SRSF10: variants seen among roughly 807,000 people sequenced by gnomAD.
SRSF10 encodes serine and arginine rich splicing factor 10.
Under a neutral mutation model 32.6 loss-of-function variants are expected in SRSF10, and 9 were observed. The ratio of observed to expected loss-of-function variants is 0.28; its 90% CI spans 0.17 to 0.48. SRSF10 has a LOEUF of 0.48. Among genes scored for constraint, SRSF10 ranks in the 20% least tolerant of loss-of-function variants. SRSF10 has a pLI of 0.99. For missense variants in SRSF10, 201 were observed against 331.8 expected (o/e 0.61, Z 3.06); for synonymous variants, 105 against 112.4 (o/e 0.93, Z 0.42).
intron 3 of SRSF10, among the ~76,000 whole-genome samples, chr1:23,973,807 C>T (rs1395531907): frequency 2.0e-5 from 3 of 152,130 alleles, no homozygotes; most frequent in Non-Finnish European, 4.4e-5. Context: ...AATAATAAGG[C>T]ATTCCTAAAT....
At position 23,975,184 on chromosome 1, in the gene SRSF10, C is replaced by T. The variant is rs1346385926; in HGVS notation, c.171-107G>A. The T allele has an allele frequency of 9.8e-6, 9 of 918,660 alleles. No homozygotes were observed. In the East Asian group the frequency reaches 1.9e-4, roughly 20 times the overall value. 56.9% of individuals were successfully genotyped at this position (918,660 alleles called of 1,614,324 possible). ...ACAATCTCCCAATATTATTCCAGAA[C>T]ATCAACCAGACCCCCACTTACTAGT... On this transcript the variant is annotated intron_variant, in intron 2 of 5. Transcript: ENST00000492112.
At position 23,971,613 on chromosome 1, in the gene SRSF10, C is replaced by T. The variant is rs1641757225; in HGVS notation, c.451G>A (p.Gly151Arg). 4 of 1,610,808 alleles carry T rather than the reference C, an allele frequency of 2.5e-6. No homozygotes were observed. Among genetic ancestry groups the T allele is most frequent in the Non-Finnish European group, 3.4e-6 (4 of 1,179,824 alleles). Residue 151 changes from glycine to arginine, a missense_variant, in exon 5 of 6, where the codon GGA becomes AGA. This residue lies in a region of SRSF10 where 159 missense variants were observed against 196.7 expected (regional missense o/e 0.81). Transcript: ENST00000492112. ...SYSPRNSRPT[G>R]RPRRSRSHSD... ...TGGCTTCTGCTACGCCGTGGTCTTC[C>T]AGTCGGTCTACTGCTAAAAAGCATA...
At chr1:23,978,673 T>C in intron 2 of SRSF10, 40 bp downstream of exon 2, 1 of 1,586,896 alleles carries the variant, frequency 6.3e-7, no homozygotes, top group Non-Finnish European at 8.6e-7. Context: ...ATTTCAAACT[T>C]CAACACCCCT....
chr1:23,967,969 A>C lies in SRSF10; in HGVS notation c.*3173T>G. The stretch of plus-strand genomic sequence containing the variant: ...CTTGCTTACTTGGCTTCAAAAAAAA[A>C]AAAAAAATGCAGAGAGATCTTAAGT... On this transcript the variant is annotated 3_prime_UTR_variant, in exon 6 of 6. Coordinates refer to ENST00000492112, the MANE Select transcript of SRSF10 (RefSeq NM_054016.4). The C allele has an allele frequency of 6.5e-7, 1 of 1,544,324 alleles. No individual in the cohort carries two copies.
intron 2 of SRSF10, chr1:23,976,719 G>C (rs1200652224): frequency 3.9e-5 from 6 of 152,226 alleles, no homozygotes; most frequent in African/African-American, 1.4e-4. Context: ...GGGATAGGAA[G>C]AAAAGGCTAT....
At position 23,978,756 on chromosome 1, in the gene SRSF10, G is replaced by A; in HGVS notation, c.127C>T (p.Leu43Phe). The change falls in exon 2 of 6, where the codon CTT (leucine) becomes TTT (phenylalanine). Residue 43 changes from leucine (L) to phenylalanine (F), a missense_variant. Physicochemically the swap from Leu to Phe is conservative, Grantham distance 22 (BLOSUM62 0). Transcript: ENST00000492112. ...CTTGGACGGCGAGTGTAGAAATCAA[G>A]TGGAACATACACATCAACTATAGGA... is the stretch of plus-strand genomic sequence containing the variant. ...YGPIVDVYVP[L>F]DFYTRRPRGF... The A allele has an allele frequency of 6.2e-7, 1 of 1,613,238 alleles. No homozygotes were observed. The highest frequency in any genetic ancestry group is 1.3e-5 in the African/African-American group (1 of 75,004).
Position 23,965,898 on chromosome 1 carries a change from T to C in SRSF10, c.*5244A>G, listed in dbSNP as rs1245639999. On this transcript the variant is annotated 3_prime_UTR_variant, in exon 6 of 6. Transcript: ENST00000492112. Reference sequence around the variant, plus strand: ...GGGAGGTAGAGGGCAAAAAAGTCTATAGCCTCTACATATTCTTTTAAAAAT... The same window carrying C: ...GGGAGGTAGAGGGCAAAAAAGTCTACAGCCTCTACATATTCTTTTAAAAAT... 1 of 151,954 alleles carries C rather than the reference T, an allele frequency of 6.6e-6. No homozygotes were observed. Among genetic ancestry groups the C allele is most frequent in the Admixed American group, 6.6e-5 (1 of 15,258 alleles). 9.4% of individuals were successfully genotyped at this position (151,954 alleles called of 1,614,324 possible).
chr1:23,964,802 G>T lies in SRSF10; in HGVS notation c.*6340C>A, dbSNP rs1641373399. ...AGAGCAAAATCTTAAAAAAACCCAAGATTTATTTTTGGCTCCTAGACCAGT... is the reference window on the plus strand; with the variant it reads ...AGAGCAAAATCTTAAAAAAACCCAATATTTATTTTTGGCTCCTAGACCAGT... On this transcript the variant is annotated 3_prime_UTR_variant, in exon 6 of 6. Coordinates refer to ENST00000492112, the MANE Select transcript of SRSF10 (RefSeq NM_054016.4). The T allele has an allele frequency of 6.6e-6, 1 of 151,884 alleles. No homozygotes were observed. The highest frequency in any genetic ancestry group is 2.4e-5 in the African/African-American group (1 of 41,408). 9.4% of individuals were successfully genotyped at this position (151,884 alleles called of 1,614,324 possible).
Position 23,975,024 on chromosome 1 carries a change from C to A in SRSF10, c.224G>T (p.Trp75Leu). 6.2e-7 allele frequency: 1 copy of A among 1,613,948 alleles called. No homozygotes were observed. Among genetic ancestry groups the A allele is most frequent in the Non-Finnish European group, 8.5e-7 (1 of 1,179,862 alleles). The change falls in exon 3 of 6, where the codon TGG becomes TTG. Residue 75 changes from tryptophan to leucine, a missense_variant. Physicochemically the swap from Trp to Leu is moderately conservative, Grantham distance 61. Around this residue, in one of 3 missense-constraint regions of SRSF10, gnomAD observed 41 missense variants for 109.5 expected, o/e 0.37. Transcript: ENST00000492112. ...TATTTCAATCTGCCGTCCACAAATC[C>A]ACTTTCTGTCCAAATTATGTAAAGC... Reference protein sequence around the residue: ...EDALHNLDRKWICGRQIEIQF... With the variant: ...EDALHNLDRKLICGRQIEIQF...
In SRSF10 at chr1:23,969,432, T is replaced by C; in HGVS notation, c.*1710A>G. The C allele has an allele frequency of 1.0e-6, 1 of 985,434 alleles. No individual in the cohort carries two copies. The highest frequency in any genetic ancestry group is 1.2e-6 in the Non-Finnish European group (1 of 829,618). 61.0% of individuals were successfully genotyped at this position (985,434 alleles called of 1,614,324 possible). ...ACTGCAAACAGTAAAGAAATGAAAG[T>C]TAGAAATACTATCAAATATACAAAG... On this transcript the variant is annotated 3_prime_UTR_variant, in exon 6 of 6. Coordinates refer to ENST00000492112, the MANE Select transcript of SRSF10 (RefSeq NM_054016.4).
At chr1:23,977,997 T>A in intron 2 of SRSF10, 1 of 983,388 alleles carries the variant, frequency 1.0e-6, no homozygotes, top group Non-Finnish European at 1.2e-6. Flanking sequence ...GGACTTGTCA[T>A]GAGATGCTTG....
At position 23,971,178 on chromosome 1, in the gene SRSF10, T is replaced by C; in HGVS notation, c.753A>G (p.Ser251=). The C allele has an allele frequency of 6.2e-7, 1 of 1,613,710 alleles. No homozygotes were observed. Among genetic ancestry groups the C allele is most frequent in the Non-Finnish European group, 8.5e-7 (1 of 1,179,904 alleles). Residue 251 remains serine (S), a synonymous_variant, in exon 6 of 6, where the codon TCA becomes TCG. Transcript: ENST00000492112. ...SQSRSRSKSR[S]RSWTSPKSSG... ...TGGACTTAGGACTAGTCCAAGACCT[T>C]GATCTAGATTTTGACCTAGACCTAG...
At position 23,980,288 on chromosome 1, in the gene SRSF10, G is replaced by C. The variant is rs1340421739; in HGVS notation, c.-33C>G. Reference sequence around the variant, plus strand: ...GCGTGTCTCGGCCGGGCGCACTAACGGGCTCAGCAAACCGTCCGCGGCTCA... The same window carrying C: ...GCGTGTCTCGGCCGGGCGCACTAACCGGCTCAGCAAACCGTCCGCGGCTCA... On this transcript the variant is annotated 5_prime_UTR_variant, in exon 1 of 6. Coordinates refer to ENST00000492112, the MANE Select transcript of SRSF10 (RefSeq NM_054016.4). 4.2e-6 allele frequency: 6 copies of C among 1,438,836 alleles called. No homozygotes were observed. The highest frequency in any genetic ancestry group is 4.6e-6 in the Non-Finnish European group (5 of 1,088,464). The allele number at this position is 1,438,836 out of a possible 1,614,324, so 89.1% of individuals were successfully genotyped here.
chr1:23,974,841 A>AG, intron 3 of SRSF10, 133 bp downstream of exon 3: 5 of 728,362 alleles, frequency 6.9e-6, no homozygotes, highest in Non-Finnish European at 1.2e-5. Flanking sequence ...TCAAAAAAAA[A>AG]AAAGAAAGAA....
rs1225952540 is a variant in SRSF10 at position 23,966,206 on chromosome 1, T to C, written c.*4936A>G. 2.0e-5 allele frequency: 3 copies of C among 151,882 alleles called. No homozygotes were observed. The highest frequency in any genetic ancestry group is 2.0e-4 in the Admixed American group (3 of 15,252). 9.4% of individuals were successfully genotyped at this position (151,882 alleles called of 1,614,324 possible). On this transcript the variant is annotated 3_prime_UTR_variant, in exon 6 of 6. Transcript: ENST00000492112. ...CTTGGGCAAGTTCAAACAAAATTTCTAAAATAAAATACAAACAATAATACC... is the reference window on the plus strand; with the variant it reads ...CTTGGGCAAGTTCAAACAAAATTTCCAAAATAAAATACAAACAATAATACC...
At position 23,971,862 on chromosome 1, in the gene SRSF10, T is replaced by C; in HGVS notation, c.425A>G (p.Tyr142Cys). ...RSFDYNYRRSYSPRNSRPTGR... is the reference protein window; with the variant it reads ...RSFDYNYRRSCSPRNSRPTGR... Reference sequence around the variant, plus strand: ...ACAGCACACTTACTTTCTAGGACTATACGATCTTCTATAGTTGTAATCAAA... The same window carrying C: ...ACAGCACACTTACTTTCTAGGACTACACGATCTTCTATAGTTGTAATCAAA... The change falls in exon 4 of 6, where the codon TAT becomes TGT. Residue 142 changes from tyrosine to cysteine, a missense_variant. Physicochemically the swap from Tyr to Cys is radical, Grantham distance 194. Transcript: ENST00000492112. 2 of 1,607,690 alleles carry C rather than the reference T, an allele frequency of 1.2e-6. No individual in the cohort carries two copies. Among genetic ancestry groups the C allele is most frequent in the Middle Eastern group, 3.3e-4 (2 of 6,024 alleles).
rs1641651193 is a variant in SRSF10 at position 23,970,048 on chromosome 1, C to T, written c.*1094G>A. The T allele has an allele frequency of 1.0e-6, 1 of 985,218 alleles. No homozygotes were observed. The highest frequency in any genetic ancestry group is 4.7e-5 in the South Asian group (1 of 21,292). The allele number at this position is 985,218 out of a possible 1,614,324, so 61.0% of individuals were successfully genotyped here. On this transcript the variant is annotated 3_prime_UTR_variant, in exon 6 of 6. Transcript: ENST00000492112. ...ACAAAACCTACTTTGAAACAATTTA[C>T]TTACTTAACAGCAGTAAGAAAACTA...
rs1320500557 is a variant in SRSF10 at position 23,970,217 on chromosome 1, T to C, written c.*925A>G. ...GTGTTTTCTATGTTCCAAATCTTCA[T>C]AGGAACCAGAAAAAAAGCAGTGAAG... On this transcript the variant is annotated 3_prime_UTR_variant, in exon 6 of 6. Transcript: ENST00000492112. 20 of 985,338 alleles carry C rather than the reference T, an allele frequency of 2.0e-5. No homozygotes were observed. The highest frequency in any genetic ancestry group is 2.3e-5 in the Non-Finnish European group (19 of 829,914). 61.0% of individuals were successfully genotyped at this position (985,338 alleles called of 1,614,324 possible).
intron 2 of SRSF10, 154 bp downstream of exon 2, chr1:23,978,559 G>A (rs1014849767): frequency 3.1e-6 from 3 of 959,566 alleles, no homozygotes; most frequent in African/African-American, 3.3e-5. Flanking sequence ...TTAATAACGA[G>A]AGCAATGTGT....
Sources: gnomAD v4.1 joint callset for allele counts (sites outside exome capture counted in the v4.1 genomes callset) on GRCh38, gnomAD v4.1.1 for gene constraint, gnomAD v4.1.1 regional missense constraint, MANE v1.5 for transcripts, NCBI Gene and HGNC (gene_info 2026-07-23, HGNC 2026-07-21) for gene names.